Variants in CHRM3 observed in about 807,000 individuals in gnomAD.
CHRM3 encodes cholinergic receptor muscarinic 3.
CHRM3 carries 11 observed loss-of-function variants against 41.8 expected under a neutral mutation model. The ratio of observed to expected loss-of-function variants is 0.26; its 90% confidence interval spans 0.17 to 0.44. The LOEUF is 0.44. Among genes scored for constraint, CHRM3 ranks in the 20% least tolerant of loss-of-function variants. The probability of loss-of-function intolerance (pLI) is 1.00; values close to 1 mark genes in which losing one functional copy is unlikely to be tolerated. For synonymous variants in CHRM3, 297 were observed against 301.4 expected (o/e 0.99, Z 0.15); for missense variants, 571 against 745.4 (o/e 0.77, Z 2.72).
intron 6 of CHRM3, among the ~76,000 whole-genome samples, chr1:239,859,402 TTG>T (rs1675396173): frequency 8.6e-6 from 1 of 116,742 alleles, no homozygotes; most frequent in African/African-American, 3.4e-5. Flanking sequence ...CCTGTTTTTT[TTG>T]TTGTTGTTGT....
At chr1:239,762,867 A>G (rs1003697949) in intron 5 of CHRM3, among the ~76,000 whole-genome samples, 1 of 152,232 alleles carries the variant, frequency 6.6e-6, no homozygotes, top group Non-Finnish European at 1.5e-5. Context: ...TAGGAGCCAC[A>G]GTGAATCACA....
intron 3 of CHRM3, chr1:239,546,156 T>A (rs1200436770): frequency 1.3e-5 from 2 of 152,200 alleles, no homozygotes; most frequent in Admixed American, 6.5e-5. Context: ...GGGTATTTGA[T>A]GTGCTTCCAC....
At chr1:239,400,532 C>T (rs1659880569) in intron 1 of CHRM3, among the ~76,000 whole-genome samples, 1 of 152,136 alleles carries the variant, frequency 6.6e-6, no homozygotes, top group African/African-American at 2.4e-5. Flanking sequence ...TTTGCCGAGA[C>T]TAATGTTCTA....
At chr1:239,888,197 A>C (rs1054075559) in intron 6 of CHRM3, among the ~76,000 whole-genome samples, 10 of 151,980 alleles carry the variant, frequency 6.6e-5, no homozygotes, top group African/African-American at 2.4e-4. Flanking sequence ...CCCCATCTCT[A>C]CAAAAAAAGA....
At chr1:239,784,944 A>G (rs1467927258) in intron 5 of CHRM3, among the ~76,000 whole-genome samples, 1 of 152,146 alleles carries the variant, frequency 6.6e-6, no homozygotes, top group African/African-American at 2.4e-5. Flanking sequence ...TTCTTACAAG[A>G]TTTGCATACC....
At chr1:239,423,080 T>C (rs568140522) in intron 1 of CHRM3, among the ~76,000 whole-genome samples, 2 of 152,286 alleles carry the variant, frequency 1.3e-5, no homozygotes, top group South Asian at 4.1e-4. Context: ...GATATCACTG[T>C]CACAGGGCTG....
chr1:239,524,669 T>A (rs1361839789), intron 2 of CHRM3, among the ~76,000 whole-genome samples: 1 of 152,128 alleles, frequency 6.6e-6, no homozygotes, highest in African/African-American at 2.4e-5. Context: ...TGTACTACCT[T>A]AACAATAAAA....
intron 6 of CHRM3, among the ~76,000 whole-genome samples, chr1:239,839,703 C>T (rs994621116): frequency 6.6e-6 from 1 of 151,940 alleles, no homozygotes; most frequent in African/African-American, 2.4e-5. Flanking sequence ...TCATATTCCC[C>T]CTTTATACAG....
At chr1:239,441,972 A>G (rs889079698) in intron 1 of CHRM3, among the ~76,000 whole-genome samples, 3 of 152,188 alleles carry the variant, frequency 2.0e-5, no homozygotes, top group Non-Finnish European at 4.4e-5. Flanking sequence ...TGTTTTAAGC[A>G]TTCAGTATTA....
chr1:239,515,973 C>A (rs1172975272), intron 2 of CHRM3, among the ~76,000 whole-genome samples: 1 of 152,148 alleles, frequency 6.6e-6, no homozygotes, highest in East Asian at 1.9e-4. Flanking sequence ...GGATATTATA[C>A]CCCTGGTAAT....
At chr1:239,852,829 A>C (rs1674804729) in intron 6 of CHRM3, among the ~76,000 whole-genome samples, 1 of 152,162 alleles carries the variant, frequency 6.6e-6, no homozygotes, top group Non-Finnish European at 1.5e-5. Context: ...TTTACACTTA[A>C]TAGTATTATT....
Position 239,914,461 on chromosome 1 carries a change from T to G in CHRM3, c.*5237T>G. ...GGAAAGTGTTCACAAACATGATGCTTATCTAATAAAATATCACTGAGCAAT... is the reference window on the plus strand; with the variant it reads ...GGAAAGTGTTCACAAACATGATGCTGATCTAATAAAATATCACTGAGCAAT... On this transcript the variant is annotated 3_prime_UTR_variant, in exon 7 of 7. Transcript: ENST00000676153. The G allele has an allele frequency of 6.0e-6, 1 of 167,224 alleles. No individual in the cohort carries two copies. 10.4% of individuals were successfully genotyped at this position (167,224 alleles called of 1,614,324 possible).
At chr1:239,683,013 A>G (rs1658718269) in intron 5 of CHRM3, among the ~76,000 whole-genome samples, 1 of 152,134 alleles carries the variant, frequency 6.6e-6, no homozygotes, top group African/African-American at 2.4e-5. Context: ...TCTTCTAGCT[A>G]CTTTGAAATA....
intron 1 of CHRM3, among the ~76,000 whole-genome samples, chr1:239,397,658 C>T (rs975745766): frequency 2.0e-5 from 3 of 148,276 alleles, no homozygotes; most frequent in East Asian, 2.0e-4. Context: ...GGCAACAGAG[C>T]GAGACTCTGT....
intron 3 of CHRM3, among the ~76,000 whole-genome samples, chr1:239,607,910 G>A (rs1221772299): frequency 6.6e-6 from 1 of 152,084 alleles, no homozygotes; most frequent in African/African-American, 2.4e-5. Flanking sequence ...TTATGATTGT[G>A]ACATAGGTAT....
intron 4 of CHRM3, among the ~76,000 whole-genome samples, chr1:239,637,402 T>C (rs868485044): frequency 6.6e-6 from 1 of 151,960 alleles, no homozygotes; most frequent in Non-Finnish European, 1.5e-5. Flanking sequence ...TTTCTACACA[T>C]ATCACTGAAT....
intron 6 of CHRM3, among the ~76,000 whole-genome samples, chr1:239,874,285 G>GTATGTATATATATATA (rs1676853167): frequency 2.4e-5 from 2 of 83,294 alleles, no homozygotes; most frequent in Admixed American, 1.5e-4. Context: ...TATATACACA[G>GTATGTATATATATATA]TATATATATA....
intron 6 of CHRM3, among the ~76,000 whole-genome samples, chr1:239,850,165 A>G (rs182750522): frequency 1.3e-5 from 2 of 152,332 alleles, no homozygotes; most frequent in Admixed American, 6.5e-5. Context: ...ATATTAACAC[A>G]TATTTTGTTA....
intron 6 of CHRM3, among the ~76,000 whole-genome samples, chr1:239,904,560 T>G (rs1679826385): frequency 6.6e-6 from 1 of 152,194 alleles, no homozygotes; most frequent in African/African-American, 2.4e-5. Flanking sequence ...TACATGCATC[T>G]TGGAAGAAAT....
Sources: allele counts gnomAD v4.1 joint callset (sites outside exome capture counted in the v4.1 genomes callset), GRCh38; gene constraint gnomAD v4.1.1; transcripts MANE v1.5; gene names NCBI Gene and HGNC (gene_info 2026-07-23, HGNC 2026-07-21).